SCAF1: variants seen among roughly 807,000 people sequenced by gnomAD.
SCAF1 encodes splicing factor, arginine/serine-rich 19.
Under a neutral mutation model 91.2 loss-of-function variants are expected in SCAF1, and 28 were observed. That is an observed-to-expected ratio of 0.31 (90% CI 0.23 to 0.42). The LOEUF (loss-of-function observed/expected upper bound fraction) is 0.42, where lower values mean the gene tolerates loss of function less well. SCAF1 is among the 10% of genes least tolerant of loss of function. The pLI, the probability that SCAF1 is intolerant of heterozygous loss-of-function variation, is 1.00. For synonymous variants in SCAF1, 1,036 were observed against 833.7 expected (o/e 1.24, Z -4.18); for missense variants, 1,893 against 1,872.1 (o/e 1.01, Z -0.21).
Position 49,651,586 on chromosome 19 carries a change from G to A in SCAF1, c.1197G>A (p.Pro399=), listed in dbSNP as rs1314540591. 1 of 1,542,672 alleles carries A rather than the reference G, an allele frequency of 6.5e-7. No homozygotes were observed. The highest frequency in any genetic ancestry group is 1.2e-5 in the South Asian group (1 of 83,710). ...SEIEEGEIVQ[P]EEEPRLALSL... is the part of the protein sequence containing the mutation. ...TCGAGGAAGGGGAGATCGTCCAGCC[G>A]GAGGAGGAGCCCAGGCTGGCGCTGT... is the stretch of plus-strand genomic sequence containing the variant. Residue 399 remains proline (P), a synonymous_variant, in exon 7 of 11, where the codon CCG becomes CCA. Transcript: ENST00000360565.
chr19:49,654,245 G>T, intron 7 of SCAF1, 104 bp from the exon 8 acceptor site: 1 of 969,910 alleles, frequency 1.0e-6, no homozygotes, highest in Non-Finnish European at 1.6e-6. Context: ...TGGCTGTTCT[G>T]GGGCCAAGGG....
In SCAF1 at chr19:49,657,788, C is replaced by T. The variant is rs1415451366; in HGVS notation, c.3646C>T (p.Arg1216Trp). ...KYLKKLHTQERAVEEVKLAIK... is the reference protein window; with the variant it reads ...KYLKKLHTQEWAVEEVKLAIK... Reference sequence around the variant, plus strand: ...TCTGAAGAAGCTGCACACGCAGGAGCGGGCGGTGGAGGAGGTGAAGCTGGC... The same window carrying T: ...TCTGAAGAAGCTGCACACGCAGGAGTGGGCGGTGGAGGAGGTGAAGCTGGC... Residue 1216 changes from arginine (R) to tryptophan (W), a missense_variant, in exon 10 of 11, where the codon CGG (arginine) becomes TGG (tryptophan). Coordinates refer to ENST00000360565, the MANE Select transcript of SCAF1 (RefSeq NM_021228.3). The T allele has an allele frequency of 6.2e-7, 1 of 1,604,400 alleles. No individual in the cohort carries two copies. The highest frequency in any genetic ancestry group is 1.1e-5 in the South Asian group (1 of 89,660).
In SCAF1 at chr19:49,652,354, T is replaced by C; in HGVS notation, c.1965T>C (p.Ser655=). ...CGCGGTCCCGGGGTGAGAAGCGGTC[T>C]GGGGATGGCAGCGAGAAGGCCCCGG... ...KRSRSRGEKR[S]GDGSEKAPAP... The change falls in exon 7 of 11, where the codon TCT becomes TCC. Residue 655 remains serine, a synonymous_variant. Coordinates refer to ENST00000360565, the MANE Select transcript of SCAF1 (RefSeq NM_021228.3). The C allele has an allele frequency of 6.5e-7, 1 of 1,536,868 alleles. No homozygotes were observed. The highest frequency in any genetic ancestry group is 1.7e-4 in the Middle Eastern group (1 of 5,880).
Position 49,650,931 on chromosome 19 carries a change from A to AC in SCAF1, c.543dup (p.Gly182ArgfsTer48). On this transcript the variant is annotated frameshift_variant, in exon 7 of 11. Transcript: ENST00000360565. LOFTEE classifies it high-confidence loss of function. ...CGTCACCTCACCTTGGGCACGGGAGACGGGGGCCCTGCCCCACCCCCTGCC... is the reference window on the plus strand; with the variant it reads ...CGTCACCTCACCTTGGGCACGGGAGACCGGGGGCCCTGCCCCACCCCCTGCC... 6.2e-7 allele frequency: 1 copy of AC among 1,604,326 alleles called. No homozygotes were observed. The highest frequency in any genetic ancestry group is 8.5e-7 in the Non-Finnish European group (1 of 1,175,098).
rs768134392 is a variant in SCAF1 at position 49,651,325 on chromosome 19, G to A, written c.936G>A (p.Gln312=). ...AGIYDDNSLS[Q]DFPGDESPRP... ...TCTACGATGACAACAGCCTGAGCCA[G>A]GACTTCCCAGGTGACGAGAGCCCCC... The change falls in exon 7 of 11, where the codon CAG becomes CAA. Residue 312 remains glutamine (Q), a synonymous_variant. Coordinates refer to ENST00000360565, the MANE Select transcript of SCAF1 (RefSeq NM_021228.3). 1 of 1,609,908 alleles carries A rather than the reference G, an allele frequency of 6.2e-7. No individual in the cohort carries two copies. The highest frequency in any genetic ancestry group is 1.3e-5 in the African/African-American group (1 of 74,806).
At position 49,652,589 on chromosome 19, in the gene SCAF1, T is replaced by C; in HGVS notation, c.2200T>C (p.Ser734Pro). ...SSPKREVLYD[S>P]EGLSGEERGG... ...ACCTAAGCGGGAGGTCCTGTACGAC[T>C]CCGAGGGACTGAGCGGCGAGGAGCG... Residue 734 changes from serine (S) to proline (P), a missense_variant, in exon 7 of 11, where the codon TCC (serine) becomes CCC (proline). Around this residue, in one of 5 missense-constraint regions of SCAF1, gnomAD observed 1,436 missense variants for 1,306.8 expected, o/e 1.10. Transcript: ENST00000360565. The C allele has an allele frequency of 6.4e-7, 1 of 1,568,106 alleles. No homozygotes were observed. Among genetic ancestry groups the C allele is most frequent in the Non-Finnish European group, 8.6e-7 (1 of 1,156,384 alleles).
rs1304316464 is a variant in SCAF1 at position 49,652,379 on chromosome 19, G to GCGCCCGCCCCGC, written c.1996_2007dup (p.Ala666_Pro669dup). 6.5e-6 allele frequency: 10 copies of GCGCCCGCCCCGC among 1,546,228 alleles called. No homozygotes were observed. The East Asian group carries it at 1.9e-4, about 30-fold the overall frequency. ...TGGGGATGGCAGCGAGAAGGCCCCG[G>GCGCCCGCCCCGC]CGCCCGCCCCGCCGCCCTCTGGCTC... On this transcript the variant is annotated inframe_insertion, in exon 7 of 11. Transcript: ENST00000360565.
rs1197793080 is a variant in SCAF1, at chr19:49,652,209, G to A, written c.1820G>A (p.Arg607Gln). The A allele has an allele frequency of 2.3e-6, 3 of 1,310,346 alleles. No homozygotes were observed. Among genetic ancestry groups the A allele is most frequent in the African/African-American group, 3.1e-5 (2 of 63,802 alleles). 81.2% of individuals were successfully genotyped at this position (1,310,346 alleles called of 1,614,324 possible). Residue 607 changes from arginine (R) to glutamine (Q), a missense_variant, in exon 7 of 11, where the codon CGA (arginine) becomes CAA (glutamine). Physicochemically the swap from Arg to Gln is conservative, Grantham distance 43. Around this residue, in one of 5 missense-constraint regions of SCAF1, gnomAD observed 1,436 missense variants for 1,306.8 expected, o/e 1.10. Transcript: ENST00000360565. Reference sequence around the variant, plus strand: ...AGGTCGCGGTCCCGGGAGAAGCGGCGACGGCGGCGGCGCTCCGCCTCCCCG... The same window carrying A: ...AGGTCGCGGTCCCGGGAGAAGCGGCAACGGCGGCGGCGCTCCGCCTCCCCG... ...SRRSRSREKR[R>Q]RRRRSASPPP... is the part of the protein sequence containing the mutation.
rs1288226598 is a variant in SCAF1 at position 49,646,659 on chromosome 19, C to G, written c.362+33C>G. On this transcript the variant is annotated intron_variant, in intron 5 of 10. Transcript: ENST00000360565. This position sits in a 1 kb window ranked among gnomAD's most constrained non-coding sequence, Gnocchi z 5.6. ...GCTGGGCAGCTGGAGTGGGAGAGGC[C>G]TCAGCGTGAGAGCCAGAAGCACCCC... 1.9e-6 allele frequency: 3 copies of G among 1,612,660 alleles called. No individual in the cohort carries two copies. The highest frequency in any genetic ancestry group is 1.1e-5 in the South Asian group (1 of 91,052).
In SCAF1 at chr19:49,658,575, TC is replaced by T; in HGVS notation, c.*180del. On this transcript the variant is annotated 3_prime_UTR_variant, in exon 11 of 11. Transcript: ENST00000360565. ...TCCACCTCCCTTGCCCCCAAGCCTGTCCCCAGTGCCCCTCCCTTCTGTTTGT... is the reference window on the plus strand; with the variant it reads ...TCCACCTCCCTTGCCCCCAAGCCTGTCCCAGTGCCCCTCCCTTCTGTTTGT... 2 of 609,522 alleles carry T rather than the reference TC, an allele frequency of 3.3e-6. No individual in the cohort carries two copies. The highest frequency in any genetic ancestry group is 2.0e-5 in the South Asian group (1 of 49,956). 37.8% of individuals were successfully genotyped at this position (609,522 alleles called of 1,614,324 possible).
rs752503814 is a variant in SCAF1 at position 49,658,189 on chromosome 19, A to T, written c.3748-19A>T. 1 of 1,605,610 alleles carries T rather than the reference A, an allele frequency of 6.2e-7. No homozygotes were observed. Among genetic ancestry groups the T allele is most frequent in the Non-Finnish European group, 8.5e-7 (1 of 1,174,236 alleles). On this transcript the variant is annotated intron_variant, in intron 10 of 10. Transcript: ENST00000360565. Reference sequence around the variant, plus strand: ...CCCCGGGAGCCTGGTGGTGACTCCAACTGTCCCCGGCCCCCCAGATCTGCC... The same window carrying T: ...CCCCGGGAGCCTGGTGGTGACTCCATCTGTCCCCGGCCCCCCAGATCTGCC...
chr19:49,657,714 C>T, intron 9 of SCAF1, 47 bp from the exon 10 acceptor site: 1 of 1,562,324 alleles, frequency 6.4e-7, no homozygotes, highest in Non-Finnish European at 8.7e-7. Context: ...TCCGCAGGTA[C>T]TCACTGGCCC....
rs1293237393 is a variant in SCAF1, at chr19:49,658,474, C to A, written c.*75C>A. 7 of 805,620 alleles carry A rather than the reference C, an allele frequency of 8.7e-6. No homozygotes were observed. The East Asian group carries it at 1.6e-4, about 18-fold the overall frequency. The allele number at this position is 805,620 out of a possible 1,614,324, so 49.9% of individuals were successfully genotyped here. A position where few individuals can be genotyped will look rare whatever the true frequency, so the allele number is the denominator to read the frequency against. ...TTTATGGCTCCACCTCCCCACCTCC[C>A]TCCCCCGTCAGTGGGATGACTGGGG... On this transcript the variant is annotated 3_prime_UTR_variant, in exon 11 of 11. Transcript: ENST00000360565.
intron 1 of SCAF1, among the ~76,000 whole-genome samples, chr19:49,644,443 CA>C (rs1408746600): frequency 7.2e-5 from 11 of 152,202 alleles, no homozygotes; most frequent in African/African-American, 2.7e-4. Context: ...ACTGGTTTTG[CA>C]GATCACTCAA....
At chr19:49,655,662 G>C (rs1000378568) in intron 9 of SCAF1, among the ~76,000 whole-genome samples, 1 of 151,746 alleles carries the variant, frequency 6.6e-6, no homozygotes. Context: ...CACCGTGCCC[G>C]GCCTTGGTTG....
intron 9 of SCAF1, 62 bp from the exon 10 acceptor site, chr19:49,657,699 G>A: frequency 6.5e-7 from 1 of 1,539,624 alleles, no homozygotes; most frequent in Non-Finnish European, 8.8e-7. Context: ...AGTGGAGGTG[G>A]AGGTTCCGCA....
At chr19:49,641,412 G>A (rs1373487829), upstream of SCAF1, among the ~76,000 whole-genome samples, 7 of 152,204 alleles carry the variant, frequency 4.6e-5, no homozygotes, top group Admixed American at 3.9e-4. Flanking sequence ...CGCTTCCCGG[G>A]TTCAAGCGAT....
intron 10 of SCAF1, 136 bp downstream of exon 10, chr19:49,658,025 TCTCAAGGCCACCTGGGC>T: frequency 1.5e-6 from 2 of 1,331,978 alleles, no homozygotes; most frequent in South Asian, 2.9e-5. Context: ...GACAGGATTT[TCTCAAGGCCACCTGGGC>T]CTGTTCCGCT....
intron 1 of SCAF1, 154 bp from the exon 2 acceptor site, chr19:49,644,857 CCACCCAAGCA>C (rs2122450727): frequency 1.7e-6 from 1 of 592,680 alleles, no homozygotes; most frequent in East Asian, 2.9e-5. Flanking sequence ...GGTCCAGCGC[CCACCCAAGCA>C]CAGGGTGGAG....
Sources: allele counts gnomAD v4.1 joint callset (sites outside exome capture counted in the v4.1 genomes callset), GRCh38; gene constraint gnomAD v4.1.1; regional missense constraint gnomAD v4.1.1; non-coding constraint Gnocchi (gnomAD v3.1); transcripts MANE v1.5; gene names NCBI Gene and HGNC (gene_info 2026-07-23, HGNC 2026-07-21).